The following TMEM51 variants were observed in gnomAD, a reference collection of about 807,000 sequenced individuals.
TMEM51 encodes the protein chromosome 1 open reading frame 72.
In TMEM51, 8 loss-of-function variants were observed where a neutral mutation model predicts 13.6. That is an observed-to-expected ratio of 0.59 (90% CI 0.35 to 1.07). The LOEUF (loss-of-function observed/expected upper bound fraction) is 1.07, where lower values mean the gene tolerates loss of function less well. Among genes scored for constraint, TMEM51 ranks in the 50% least tolerant of loss-of-function variants. The pLI is 0.02. For missense variants in TMEM51, 279 were observed against 330.7 expected, an observed-to-expected ratio of 0.84 and a Z score of 1.21; for synonymous variants, 147 against 144.4, an observed-to-expected ratio of 1.02 and a Z score of -0.13.
chr1:15,219,085 G>A (rs12121147), intron 3 of TMEM51, among the ~76,000 whole-genome samples: 15,592 of 151,362 alleles, frequency 0.1, 1,023 homozygotes, highest in South Asian at 0.19. Flanking sequence ...GTCCTGTCCT[G>A]CATGACTAGT....
At chr1:15,204,542 G>C (rs557953414) in intron 1 of TMEM51, among the ~76,000 whole-genome samples, 161 of 152,286 alleles carry the variant, frequency 1.1e-3, no homozygotes, top group South Asian at 2.5e-3. Context: ...GTGAGAGAGC[G>C]AGACCTCATT....
rs369757007 is a variant in TMEM51 at position 15,219,536 on chromosome 1, C to G, written c.555C>G (p.Asn185Lys). 6.2e-7 allele frequency: 1 copy of G among 1,614,090 alleles called. No individual in the cohort carries two copies. The highest frequency in any genetic ancestry group is 2.2e-5 in the East Asian group (1 of 44,884). ...TRADVEASPG[N>K]PPDRQNSKLA... The stretch of plus-strand genomic sequence containing the variant: ...CTGACGTGGAGGCCAGCCCTGGGAA[C>G]CCCCCTGACAGGCAGAACTCTAAGT... The change falls in exon 4 of 4, where the codon AAC becomes AAG. Residue 185 changes from asparagine to lysine, a missense_variant. Coordinates refer to ENST00000376008, the MANE Select transcript of TMEM51 (RefSeq NM_001136218.2).
chr1:15,196,428 G>A (rs1644051106), intron 1 of TMEM51, among the ~76,000 whole-genome samples: 1 of 152,146 alleles, frequency 6.6e-6, no homozygotes, highest in South Asian at 2.1e-4. Flanking sequence ...ATGCACACAT[G>A]TGAAAGAGAG....
chr1:15,193,575 C>CTTTTTTTTTTTTTTTTTTTTTTTTT (rs3078881), intron 1 of TMEM51, among the ~76,000 whole-genome samples: 2 of 114,656 alleles, frequency 1.7e-5, no homozygotes, highest in Non-Finnish European at 3.5e-5. Context: ...TTCTTTCTTT[C>CTTTTTTTTTTTTTTTTTTTTTTTTT]TTTTTTTTTT....
intron 1 of TMEM51, chr1:15,168,632 C>G: frequency 1.5e-6 from 2 of 1,304,440 alleles, no homozygotes; most frequent in African/African-American, 3.0e-5. Flanking sequence ...TCAACCTTGC[C>G]TGTGTGTTTG....
At chr1:15,198,066 C>T (rs1053676480) in intron 1 of TMEM51, among the ~76,000 whole-genome samples, 8 of 152,132 alleles carry the variant, frequency 5.3e-5, no homozygotes, top group Non-Finnish European at 1.0e-4. Flanking sequence ...CCGTGATCCT[C>T]AGGGACCTAG....
intron 1 of TMEM51, among the ~76,000 whole-genome samples, chr1:15,172,634 T>C (rs1002447297): frequency 6.6e-6 from 1 of 152,194 alleles, no homozygotes; most frequent in Non-Finnish European, 1.5e-5. Flanking sequence ...CCCTTTATGA[T>C]CCTATATTGT....
rs565221626 is a variant in TMEM51 at position 15,198,744 on chromosome 1, G to A, written c.-266-11746G>A. On this transcript the variant is annotated intron_variant, in intron 1 of 3. Transcript: ENST00000376008. ...ACTGGCAAAACTCAGCCACCCTGCC[G>A]ACCAAATGAAAACATCAGACCAGTG... Among the ~76,000 whole-genome samples, 11 of 152,216 alleles carry A rather than the reference G, an allele frequency of 7.2e-5. No homozygotes were observed. In the South Asian group the frequency reaches 1.0e-3, roughly 14 times the overall value.
chr1:15,208,990 C>T (rs1004677475), intron 1 of TMEM51, among the ~76,000 whole-genome samples: 1 of 152,084 alleles, frequency 6.6e-6, no homozygotes, highest in African/African-American at 2.4e-5. Flanking sequence ...ATAAAACGCT[C>T]ATGTACCCTT....
At chr1:15,174,602 A>G (rs1003898311) in intron 1 of TMEM51, among the ~76,000 whole-genome samples, 14 of 152,126 alleles carry the variant, frequency 9.2e-5, no homozygotes, top group African/African-American at 3.1e-4. Flanking sequence ...ACCTAGGTAA[A>G]TTTCATTCGT....
chr1:15,182,214 T>C lies in TMEM51; in HGVS notation c.-267+28260T>C, dbSNP rs956407576. Among the ~76,000 whole-genome samples the C allele has an allele frequency of 2.0e-5, 3 of 146,856 alleles. 1 individual carries two copies. The highest frequency in any genetic ancestry group is 4.5e-5 in the Non-Finnish European group (3 of 66,250). ...TAAATAAATAAATAAATAACTGCAC[T>C]AGGCTGAAAGCAGAATGGCAGTACA... On this transcript the variant is annotated intron_variant, in intron 1 of 3. Coordinates refer to ENST00000376008, the MANE Select transcript of TMEM51 (RefSeq NM_001136218.2).
intron 1 of TMEM51, among the ~76,000 whole-genome samples, chr1:15,154,989 C>CT (rs1206629223): frequency 6.6e-6 from 1 of 152,180 alleles, no homozygotes; most frequent in Non-Finnish European, 1.5e-5. Flanking sequence ...TCTGGCTTTC[C>CT]TTTTGAATGG....
At chr1:15,158,706 GTCTC>G (rs1022378488) in intron 1 of TMEM51, among the ~76,000 whole-genome samples, 3 of 152,206 alleles carry the variant, frequency 2.0e-5, no homozygotes, top group Non-Finnish European at 2.9e-5. Context: ...CGGGGTCTCT[GTCTC>G]TCTCTACCAG....
intron 3 of TMEM51, among the ~76,000 whole-genome samples, chr1:15,219,049 C>T (rs939635822): frequency 1.3e-5 from 2 of 151,576 alleles, no homozygotes; most frequent in Non-Finnish European, 2.9e-5. Context: ...CCCTCCCAGG[C>T]TAAGCCCCAA....
At chr1:15,193,575 CT>C (rs3078881) in intron 1 of TMEM51, among the ~76,000 whole-genome samples, 10 of 114,654 alleles carry the variant, frequency 8.7e-5, no homozygotes, top group Non-Finnish European at 1.6e-4. Context: ...TTCTTTCTTT[CT>C]TTTTTTTTTT....
chr1:15,175,107 C>T (rs1643415170), intron 1 of TMEM51, among the ~76,000 whole-genome samples: 1 of 152,102 alleles, frequency 6.6e-6, no homozygotes, highest in South Asian at 2.1e-4. Flanking sequence ...TGACTCTAAA[C>T]TAGGGCCGTA....
intron 1 of TMEM51, among the ~76,000 whole-genome samples, chr1:15,177,969 C>A (rs1254411984): frequency 1.3e-5 from 2 of 152,226 alleles, no homozygotes; most frequent in African/African-American, 2.4e-5. Context: ...TTATCAAACC[C>A]TTTTCATGGC....
chr1:15,167,404 T>C lies in TMEM51; in HGVS notation c.-267+13450T>C, dbSNP rs142872976. Among the ~76,000 whole-genome samples, 691 of 150,884 alleles carry C rather than the reference T, an allele frequency of 4.6e-3. 3 individuals are homozygous for C. Among genetic ancestry groups the C allele is most frequent in the Non-Finnish European group, 6.8e-3 (463 of 67,800 alleles). On this transcript the variant is annotated intron_variant, in intron 1 of 3. Transcript: ENST00000376008. ...TACTGCATTTATTCCATGGTATGAA[T>C]GTGCAGGACGACAGTTTACTTATCC...
chr1:15,180,801 C>G (rs79384544), intron 1 of TMEM51, among the ~76,000 whole-genome samples: 1 of 152,150 alleles, frequency 6.6e-6, no homozygotes, highest in Non-Finnish European at 1.5e-5. Context: ...TATAATAACC[C>G]TATAGGCAAG....
Sources: gnomAD v4.1 joint callset for allele counts (sites outside exome capture counted in the v4.1 genomes callset) on GRCh38, gnomAD v4.1.1 for gene constraint, MANE v1.5 for transcripts, NCBI Gene and HGNC (gene_info 2026-07-23, HGNC 2026-07-21) for gene names.